Variants in SKAP2 observed in about 807,000 individuals in gnomAD.
The protein encoded by SKAP2 is src kinase-associated phosphoprotein 2.
Under a neutral mutation model 54.9 loss-of-function variants are expected in SKAP2, and 28 were observed. That is an observed-to-expected ratio of 0.51 (90% CI 0.38 to 0.70). The LOEUF is 0.70. Among genes scored for constraint, SKAP2 ranks in the 30% least tolerant of loss-of-function variants. The pLI, the probability that SKAP2 is intolerant of heterozygous loss-of-function variation, is 0.00. For missense variants in SKAP2, 356 were observed against 424.1 expected, an observed-to-expected ratio of 0.84 and a Z score of 1.41; for synonymous variants, 137 against 134.3, an observed-to-expected ratio of 1.02 and a Z score of -0.14.
intron 9 of SKAP2, among the ~76,000 whole-genome samples, chr7:26,704,354 G>A (rs1787111916): frequency 6.6e-6 from 1 of 152,194 alleles, no homozygotes; most frequent in Non-Finnish European, 1.5e-5. Context: ...AGCAAGCAGG[G>A]CTGAGAGCAG....
At chr7:26,735,165 T>A (rs1787899495) in intron 6 of SKAP2, among the ~76,000 whole-genome samples, 1 of 152,132 alleles carries the variant, frequency 6.6e-6, no homozygotes, top group Non-Finnish European at 1.5e-5. Context: ...CCTCTAAGGA[T>A]CTTTGGATCC....
chr7:26,725,980 C>T lies in SKAP2; in HGVS notation c.601G>A (p.Ala201Thr). 6.2e-7 allele frequency: 1 copy of T among 1,606,672 alleles called. No individual in the cohort carries two copies. The highest frequency in any genetic ancestry group is 8.5e-7 in the Non-Finnish European group (1 of 1,174,934). ...TCTTCAGCATCTTTGGGAGAAGCTGCTGTAAACTAATATAAAACAAACAGT... is the reference window on the plus strand; with the variant it reads ...TCTTCAGCATCTTTGGGAGAAGCTGTTGTAAACTAATATAAAACAAACAGT... ...APDKRIYQFTAASPKDAEEWV... is the reference protein window; with the variant it reads ...APDKRIYQFTTASPKDAEEWV... Residue 201 changes from alanine (A) to threonine (T), a missense_variant, in exon 8 of 13, where the codon GCA (alanine) becomes ACA (threonine). By Grantham distance (58) the Ala-to-Thr change is moderately conservative (BLOSUM62 0). Transcript: ENST00000345317.
At chr7:26,715,808 G>A (rs1030593198) in intron 9 of SKAP2, among the ~76,000 whole-genome samples, 3 of 152,090 alleles carry the variant, frequency 2.0e-5, no homozygotes, top group African/African-American at 7.2e-5. Flanking sequence ...TAACAACAAT[G>A]CTACAATGCT....
At chr7:26,722,385 ATTTTTTTT>A (rs35643377) in intron 9 of SKAP2, among the ~76,000 whole-genome samples, 2 of 89,062 alleles carry the variant, frequency 2.2e-5, no homozygotes, top group Middle Eastern at 9.6e-3. Flanking sequence ...ATGCAATGCA[ATTTTTTTT>A]TTTTTTTTTT....
chr7:26,838,558 T>C (rs369395984), intron 4 of SKAP2, among the ~76,000 whole-genome samples: 9 of 152,218 alleles, frequency 5.9e-5, no homozygotes, highest in African/African-American at 2.2e-4. Flanking sequence ...GTTTCTGAGC[T>C]TGAACTCCAA....
At chr7:26,819,272 G>A (rs1481889497) in intron 4 of SKAP2, among the ~76,000 whole-genome samples, 4 of 152,022 alleles carry the variant, frequency 2.6e-5, no homozygotes, top group East Asian at 1.9e-4. Context: ...TCCTTTGCAC[G>A]GACATGGATG....
intron 4 of SKAP2, among the ~76,000 whole-genome samples, chr7:26,765,164 T>C (rs1255435586): frequency 2.6e-5 from 4 of 152,206 alleles, no homozygotes; most frequent in African/African-American, 4.8e-5. Context: ...TTTTTAATGA[T>C]TGCCATTCTA....
In SKAP2 at chr7:26,699,759, A is replaced by G. The variant is rs984002544; in HGVS notation, c.797-9397T>C. Among the ~76,000 whole-genome samples the G allele has an allele frequency of 2.0e-5, 3 of 152,280 alleles. No homozygotes were observed. The East Asian group carries it at 5.8e-4, about 29-fold the overall frequency. The stretch of plus-strand genomic sequence containing the variant: ...GAGATCAATAAGTTTAAGAATGGCT[A>G]CCCTGTACTTTCTAGGGTAGTTTTA... On this transcript the variant is annotated intron_variant, in intron 9 of 12. Transcript: ENST00000345317.
chr7:26,670,720 A>T (rs1658230917), intron 11 of SKAP2, among the ~76,000 whole-genome samples: 1 of 152,132 alleles, frequency 6.6e-6, no homozygotes. Context: ...ACACTTTAAC[A>T]GATAAATTAG....
At chr7:26,805,057 G>T (rs1783997929) in intron 4 of SKAP2, among the ~76,000 whole-genome samples, 1 of 152,050 alleles carries the variant, frequency 6.6e-6, no homozygotes, top group Admixed American at 6.6e-5. Context: ...TTTAACAGGG[G>T]TTAGTTTTGA....
intron 9 of SKAP2, 22 bp from the exon 10 acceptor site, chr7:26,690,384 G>A (rs1786756549): frequency 6.5e-7 from 1 of 1,536,660 alleles, no homozygotes; most frequent in Non-Finnish European, 9.0e-7. Flanking sequence ...CATTATCAAT[G>A]GCACATTGAA....
intron 4 of SKAP2, among the ~76,000 whole-genome samples, chr7:26,840,489 A>G (rs1363994529): frequency 1.3e-5 from 2 of 152,120 alleles, no homozygotes; most frequent in Admixed American, 6.6e-5. Context: ...TATGGTGTCT[A>G]AAGTCTACTC....
At chr7:26,777,479 T>G (rs1029488938) in intron 4 of SKAP2, among the ~76,000 whole-genome samples, 2 of 152,190 alleles carry the variant, frequency 1.3e-5, no homozygotes, top group African/African-American at 4.8e-5. Flanking sequence ...TGTAGGATCC[T>G]CAATTATTTA....
chr7:26,833,290 G>A (rs990646688), intron 4 of SKAP2, among the ~76,000 whole-genome samples: 3 of 151,804 alleles, frequency 2.0e-5, no homozygotes, highest in Non-Finnish European at 4.4e-5. Flanking sequence ...CAGCTACTCA[G>A]GAGGCTGAGG....
intron 4 of SKAP2, among the ~76,000 whole-genome samples, chr7:26,800,522 ATGAAAT>A (rs145665108): frequency 0.21 from 32,176 of 151,896 alleles, 3,442 homozygotes; most frequent in Non-Finnish European, 0.23. Flanking sequence ...GCAGAAATAA[ATGAAAT>A]TGAAATTTTA....
chr7:26,657,063 G>A, the SKAP2 span, among the ~76,000 whole-genome samples: 1 of 152,080 alleles, frequency 6.6e-6, no homozygotes, highest in African/African-American at 2.4e-5. Flanking sequence ...GATCCAAACG[G>A]TCTGAATAAT....
chr7:26,799,731 C>T (rs1783869471), intron 4 of SKAP2, among the ~76,000 whole-genome samples: 1 of 152,198 alleles, frequency 6.6e-6, no homozygotes, highest in African/African-American at 2.4e-5. Context: ...ATCTACAAAA[C>T]ATTTCATCCA....
intron 11 of SKAP2, among the ~76,000 whole-genome samples, chr7:26,680,025 G>A (rs888147248): frequency 2.0e-5 from 3 of 152,210 alleles, no homozygotes; most frequent in Non-Finnish European, 4.4e-5. Flanking sequence ...AGTCGCATAT[G>A]CCCTAGACTA....
chr7:26,747,413 G>A (rs12154908), intron 4 of SKAP2, among the ~76,000 whole-genome samples: 8,472 of 152,190 alleles, frequency 0.056, 300 homozygotes, highest in Middle Eastern at 0.11. Context: ...CTACACTGGG[G>A]AAAAAGCAGA....
Sources: allele counts gnomAD v4.1 joint callset (sites outside exome capture counted in the v4.1 genomes callset), GRCh38; gene constraint gnomAD v4.1.1; transcripts MANE v1.5; gene names NCBI Gene and HGNC (gene_info 2026-07-23, HGNC 2026-07-21).